Variants in STRBP observed in about 807,000 individuals in gnomAD.
The protein encoded by STRBP is spermatid perinuclear RNA-binding protein.
Under a neutral mutation model 80.1 loss-of-function variants are expected in STRBP, and 13 were observed. The observed-to-expected ratio is 0.16, with a 90% CI of 0.11 to 0.26. STRBP has a LOEUF of 0.26. Ranked by LOEUF, STRBP falls within the 10% of genes least tolerant of loss-of-function variation. STRBP has a pLI of 1.00. For missense variants in STRBP, 485 were observed against 815.2 expected, an observed-to-expected ratio of 0.59 and a Z score of 4.93; for synonymous variants, 284 against 291.2, an observed-to-expected ratio of 0.98 and a Z score of 0.25.
At chr9:123,175,961 T>A (rs1189962431) in intron 4 of STRBP, among the ~76,000 whole-genome samples, 1 of 152,230 alleles carries the variant, frequency 6.6e-6, no homozygotes, top group Non-Finnish European at 1.5e-5. Context: ...CGCTTCCTGG[T>A]TCAAATCCTG....
chr9:123,250,183 C>A (rs1395575317), intron 1 of STRBP, among the ~76,000 whole-genome samples: 1 of 152,172 alleles, frequency 6.6e-6, no homozygotes, highest in Non-Finnish European at 1.5e-5. Context: ...CTCCCTTTTC[C>A]AGCTACATAT....
rs2035831464 is a variant in STRBP at position 123,124,723 on chromosome 9, A to G, written c.*874T>C. 1.0e-6 allele frequency: 1 copy of G among 985,386 alleles called. No homozygotes were observed. The highest frequency in any genetic ancestry group is 1.2e-6 in the Non-Finnish European group (1 of 829,874). 61.0% of individuals were successfully genotyped at this position (985,386 alleles called of 1,614,324 possible). A position where few individuals can be genotyped will look rare whatever the true frequency, so the allele number is the denominator to read the frequency against. ...AACAAGAGAGGGTGATTGATTGATT[A>G]ATTTATTATTTTTAAAAACTTGGAA... is the stretch of plus-strand genomic sequence containing the variant. On this transcript the variant is annotated 3_prime_UTR_variant, in exon 19 of 19. Transcript: ENST00000348403.
At chr9:123,173,568 G>T in intron 5 of STRBP, 109 bp downstream of exon 5, 1 of 1,189,438 alleles carries the variant, frequency 8.4e-7, no homozygotes, top group Non-Finnish European at 1.2e-6. Context: ...CATTTTGTCT[G>T]TGTCTATCCT....
chr9:123,179,221 T>C lies in STRBP; in HGVS notation c.10A>G (p.Ile4Val), dbSNP rs769451646. Residue 4 changes from isoleucine (I) to valine (V), a missense_variant, in exon 4 of 19, where the codon ATT (isoleucine) becomes GTT (valine). By Grantham distance (29) the Ile-to-Val change is conservative (BLOSUM62 3). Around this residue, in one of 3 missense-constraint regions of STRBP, gnomAD observed 377 missense variants for 616.1 expected, o/e 0.61. Coordinates refer to ENST00000348403, the MANE Select transcript of STRBP (RefSeq NM_018387.5). MRSIRSFANDDRHV... is the reference protein window; with the variant it reads MRSVRSFANDDRHV... ...CGATCATCATTAGCAAAAGATCGAA[T>C]AGATCTCTGTTAGAAGGAGAACGAA... The C allele has an allele frequency of 4.4e-6, 7 of 1,605,618 alleles. No individual in the cohort carries two copies. Among genetic ancestry groups the C allele is most frequent in the Non-Finnish European group, 6.0e-6 (7 of 1,173,092 alleles).
At chr9:123,216,047 A>C (rs2039887096) in intron 2 of STRBP, among the ~76,000 whole-genome samples, 1 of 152,184 alleles carries the variant, frequency 6.6e-6, no homozygotes, top group Non-Finnish European at 1.5e-5. Flanking sequence ...CTTGGAATGA[A>C]ATTTTTCAAA....
rs201423015 is a variant in STRBP at position 123,183,816 on chromosome 9, CTTAAAG to C, written c.3+310_3+315del. 9.5e-3 allele frequency among the ~76,000 whole-genome samples: 1,443 copies of C among 152,208 alleles called. 13 individuals carry two copies. Among genetic ancestry groups the C allele is most frequent in the Non-Finnish European group, 0.015 (1,038 of 67,994 alleles). On this transcript the variant is annotated intron_variant, in intron 3 of 18. Coordinates refer to ENST00000348403, the MANE Select transcript of STRBP (RefSeq NM_018387.5). ...AATTTCCACAAGAAAAAAAACTGAA[CTTAAAG>C]TTAAAAACCTAGCTATTTGTATCAG...
At chr9:123,152,355 A>C (rs986329045) in intron 11 of STRBP, among the ~76,000 whole-genome samples, 1 of 151,920 alleles carries the variant, frequency 6.6e-6, no homozygotes, top group African/African-American at 2.4e-5. Flanking sequence ...ACACACAAAA[A>C]CCTGTGTTTT....
chr9:123,130,443 C>A (rs533663416), intron 17 of STRBP, among the ~76,000 whole-genome samples: 2 of 152,080 alleles, frequency 1.3e-5, no homozygotes, highest in African/African-American at 4.8e-5. Flanking sequence ...AGCCTGGCAA[C>A]GAGTGGCCAT....
chr9:123,187,640 C>CT (rs2038750730), intron 2 of STRBP, among the ~76,000 whole-genome samples: 1 of 152,118 alleles, frequency 6.6e-6, no homozygotes, highest in Non-Finnish European at 1.5e-5. Flanking sequence ...ATGTGTGTCA[C>CT]TTTTTAATTG....
Position 123,147,806 on chromosome 9 carries a change from G to T in STRBP, c.1110C>A (p.Asn370Lys). ...TCCTTAAGTTTCGTTTCATCTTCTT[G>T]TTGGGGTCTTTATCATCCCCTAATC... Reference protein sequence around the residue: ...EDGLGDDKDPNKKMKRNLRKI... With the variant: ...EDGLGDDKDPKKKMKRNLRKI... The change falls in exon 12 of 19, where the codon AAC becomes AAA. Residue 370 changes from asparagine (N) to lysine (K), a missense_variant. By Grantham distance (94) the Asn-to-Lys change is moderately conservative. Around this residue, in one of 3 missense-constraint regions of STRBP, gnomAD observed 377 missense variants for 616.1 expected, o/e 0.61. Transcript: ENST00000348403. 6.2e-7 allele frequency: 1 copy of T among 1,602,674 alleles called. No homozygotes were observed. Among genetic ancestry groups the T allele is most frequent in the Non-Finnish European group, 8.5e-7 (1 of 1,174,714 alleles).
Position 123,159,083 on chromosome 9 carries a change from T to C in STRBP, c.835+13A>G. ...TTGCTGATTGTTCTGCTTCCAGAGT[T>C]TGAAACCCTTACCAGGAAGTAGTAT... is the stretch of plus-strand genomic sequence containing the variant. On this transcript the variant is annotated intron_variant, in intron 9 of 18. Transcript: ENST00000348403. 6.3e-7 allele frequency: 1 copy of C among 1,599,586 alleles called. No individual in the cohort carries two copies. The highest frequency in any genetic ancestry group is 8.6e-7 in the Non-Finnish European group (1 of 1,167,042).
intron 2 of STRBP, among the ~76,000 whole-genome samples, chr9:123,188,510 T>C (rs2038792411): frequency 6.6e-6 from 1 of 151,912 alleles, no homozygotes. Context: ...GGCATGGTGG[T>C]GGGCGCCTGT....
At chr9:123,153,093 A>C (rs959623051) in intron 11 of STRBP, among the ~76,000 whole-genome samples, 1 of 152,160 alleles carries the variant, frequency 6.6e-6, no homozygotes, top group African/African-American at 2.4e-5. Flanking sequence ...GAACAGAAGC[A>C]AAAAGACCAG....
At chr9:123,137,776 A>G (rs2036423766) in intron 14 of STRBP, among the ~76,000 whole-genome samples, 1 of 152,208 alleles carries the variant, frequency 6.6e-6, no homozygotes, top group Admixed American at 6.5e-5. Flanking sequence ...TATTCCGTGC[A>G]GTTTGGATAA....
intron 18 of STRBP, among the ~76,000 whole-genome samples, chr9:123,127,786 TG>T (rs1447116384): frequency 5.9e-5 from 9 of 152,188 alleles, no homozygotes; most frequent in African/African-American, 2.2e-4. Context: ...GCTACAAATT[TG>T]AAGTGAGCAG....
intron 11 of STRBP, among the ~76,000 whole-genome samples, chr9:123,150,436 ACATGCCTGTAGT>A (rs1322921390): frequency 2.0e-5 from 3 of 152,284 alleles, no homozygotes; most frequent in African/African-American, 7.2e-5. Flanking sequence ...GCACGGTGCC[ACATGCCTGTAGT>A]CCCAGCTACT....
At chr9:123,139,116 A>G (rs980046757) in intron 14 of STRBP, among the ~76,000 whole-genome samples, 3 of 152,232 alleles carry the variant, frequency 2.0e-5, no homozygotes, top group African/African-American at 7.2e-5. Flanking sequence ...TGTACCCCGC[A>G]GCTTAGCACA....
intron 6 of STRBP, among the ~76,000 whole-genome samples, chr9:123,167,026 AG>A (rs780505062): frequency 3.3e-5 from 5 of 152,204 alleles, no homozygotes; most frequent in Non-Finnish European, 7.3e-5. Flanking sequence ...GTGATTTGAA[AG>A]GAGTAGGTAG....
chr9:123,179,509 C>A (rs1398018333), intron 3 of STRBP, among the ~76,000 whole-genome samples: 1 of 152,128 alleles, frequency 6.6e-6, no homozygotes, highest in Non-Finnish European at 1.5e-5. Context: ...GGCACGGGGG[C>A]ACATGCCTGT....
Sources: allele counts gnomAD v4.1 joint callset (sites outside exome capture counted in the v4.1 genomes callset), GRCh38; gene constraint gnomAD v4.1.1; regional missense constraint gnomAD v4.1.1; transcripts MANE v1.5; gene names NCBI Gene and HGNC (gene_info 2026-07-23, HGNC 2026-07-21).